The following UGT1A3 variants were observed in gnomAD, a reference collection of about 807,000 sequenced individuals.
UGT1A3 encodes the protein UDP-glucuronosyltransferase 1A3.
In UGT1A3, 31 loss-of-function variants were observed where a neutral mutation model predicts 41.0. The observed-to-expected ratio is 0.76, with a 90% CI of 0.57 to 1.02. The LOEUF is 1.02. Ranked by LOEUF, UGT1A3 falls within the 50% of genes least tolerant of loss-of-function variation. UGT1A3 has a pLI of 0.00. For synonymous variants in UGT1A3, 262 were observed against 257.6 expected (o/e 1.02, Z -0.17); for missense variants, 737 against 671.0 (o/e 1.10, Z -1.09).
At chr2:233,760,837 A>G in intron 1 of UGT1A3, 2 of 1,613,782 alleles carry the variant, frequency 1.2e-6, no homozygotes, top group Non-Finnish European at 1.7e-6. Flanking sequence ...ATTTGAGGCT[A>G]CCCAGTGCCC....
At chr2:233,763,924 T>C (rs1294643853) in intron 1 of UGT1A3, among the ~76,000 whole-genome samples, 1 of 152,112 alleles carries the variant, frequency 6.6e-6, no homozygotes, top group African/African-American at 2.4e-5. Context: ...GGCTTCGAGA[T>C]GGCCAGGAGA....
intron 1 of UGT1A3, among the ~76,000 whole-genome samples, chr2:233,731,630 C>A (rs1226359620): frequency 6.6e-6 from 1 of 152,176 alleles, no homozygotes; most frequent in Non-Finnish European, 1.5e-5. Context: ...TTTTTTATGG[C>A]TGCATAGTAT....
Position 233,747,361 on chromosome 2 carries a change from A to T in UGT1A3, c.867+17368A>T, listed in dbSNP as rs1260496106. 17 of 1,603,206 alleles carry T rather than the reference A, an allele frequency of 1.1e-5. No individual in the cohort carries two copies. In the African/African-American group the frequency reaches 1.9e-4, roughly 18 times the overall value. On this transcript the variant is annotated intron_variant, in intron 1 of 4. Coordinates refer to ENST00000482026, the MANE Select transcript of UGT1A3 (RefSeq NM_019093.4). Reference sequence around the variant, plus strand: ...GCTCGCATGCGGGAGGCCGTGCGGGAGCTCCATGCCAGAGGCCACCAGGCG... The same window carrying T: ...GCTCGCATGCGGGAGGCCGTGCGGGTGCTCCATGCCAGAGGCCACCAGGCG...
Position 233,751,190 on chromosome 2 carries a change from G to C in UGT1A3, c.868-15844G>C, listed in dbSNP as rs551144438. Among the ~76,000 whole-genome samples the C allele has an allele frequency of 1.2e-4, 18 of 152,080 alleles. 2 individuals carry two copies. Among genetic ancestry groups the C allele is most frequent in the African/African-American group, 4.4e-4 (18 of 41,324 alleles). ...CCTAGATATGAGACATGAAGTTAAA[G>C]GTGATAATTTTGGAGCTTTAAGATT... On this transcript the variant is annotated intron_variant, in intron 1 of 4. Transcript: ENST00000482026.
At chr2:233,744,078 C>T (rs1450419320) in intron 1 of UGT1A3, 2 of 455,950 alleles carry the variant, frequency 4.4e-6, no homozygotes, top group Non-Finnish European at 7.4e-6. Context: ...CGCCTCGCAT[C>T]CCAAGATGCA....
chr2:233,748,199 G>A (rs1164871167), intron 1 of UGT1A3: 58 of 1,533,096 alleles, frequency 3.8e-5, no homozygotes, highest in Non-Finnish European at 4.6e-5. Context: ...TCTGCTTGTC[G>A]TAATAGCCTT....
intron 1 of UGT1A3, chr2:233,747,152 G>A (rs1023956856): frequency 1.3e-6 from 2 of 1,577,494 alleles, no homozygotes; most frequent in African/African-American, 1.4e-5. Context: ...TTAAGATGAA[G>A]AAAACAAATG....
Position 233,767,146 on chromosome 2 carries a change from T to C in UGT1A3, c.980T>C (p.Leu327Ser), listed in dbSNP as rs372326047. ...EKKAMAIADA[L>S]GKIPQTVLWR... The stretch of plus-strand genomic sequence containing the variant: ...AAAGCTATGGCAATTGCTGATGCTT[T>C]GGGCAAAATCCCTCAGACAGTAAGA... Residue 327 changes from leucine (L) to serine (S), a missense_variant, in exon 2 of 5, where the codon TTG (leucine) becomes TCG (serine). Transcript: ENST00000482026. 1 of 1,614,014 alleles carries C rather than the reference T, an allele frequency of 6.2e-7. No individual in the cohort carries two copies. Among genetic ancestry groups the C allele is most frequent in the Admixed American group, 1.7e-5 (1 of 60,006 alleles).
Position 233,729,797 on chromosome 2 carries a change from G to C in UGT1A3, c.671G>C (p.Cys224Ser), listed in dbSNP as rs1376720200. 2 of 1,613,908 alleles carry C rather than the reference G, an allele frequency of 1.2e-6. No homozygotes were observed. Among genetic ancestry groups the C allele is most frequent in the South Asian group, 2.2e-5 (2 of 91,074 alleles). The stretch of plus-strand genomic sequence containing the variant: ...TACCCTCTGGCCCTGTCCTACATTT[G>C]CCATGCTTTTTCTGCTCCTTATGCA... ...MLYPLALSYICHAFSAPYASL... is the reference protein window; with the variant it reads ...MLYPLALSYISHAFSAPYASL... The change falls in exon 1 of 5, where the codon TGC becomes TCC. Residue 224 changes from cysteine to serine, a missense_variant. Transcript: ENST00000482026.
At chr2:233,743,311 A>AT (rs1692260590) in intron 1 of UGT1A3, 3 of 650,626 alleles carry the variant, frequency 4.6e-6, no homozygotes, top group Non-Finnish European at 7.4e-6. Flanking sequence ...CTTGGTGGTG[A>AT]TTTTTTTACC....
In UGT1A3 at chr2:233,743,758, G is replaced by T. The variant is rs761738753; in HGVS notation, c.867+13765G>T. 5 of 1,367,210 alleles carry T rather than the reference G, an allele frequency of 3.7e-6. No homozygotes were observed. In the Admixed American group the frequency reaches 9.5e-5, roughly 26 times the overall value. 84.7% of individuals were successfully genotyped at this position (1,367,210 alleles called of 1,614,324 possible). ...GTTTCTTGGCGTCCGACAACACCTCGTAGGCCTCGGCCACCTGCTTGAATC... is the reference window on the plus strand; with the variant it reads ...GTTTCTTGGCGTCCGACAACACCTCTTAGGCCTCGGCCACCTGCTTGAATC... On this transcript the variant is annotated intron_variant, in intron 1 of 4. Coordinates refer to ENST00000482026, the MANE Select transcript of UGT1A3 (RefSeq NM_019093.4).
In UGT1A3 at chr2:233,769,705, G is replaced by T. The variant is rs1699921958; in HGVS notation, c.1307+1266G>T. Reference sequence around the variant, plus strand: ...TGGTGGCACTGGATAAAAGATCAATGTTGGCTAGGCACCATGGCACACGCC... The same window carrying T: ...TGGTGGCACTGGATAAAAGATCAATTTTGGCTAGGCACCATGGCACACGCC... On this transcript the variant is annotated intron_variant, in intron 4 of 4. Transcript: ENST00000482026. This position sits in a 1 kb window ranked among gnomAD's most constrained non-coding sequence, Gnocchi z 4.4. The T allele has an allele frequency of 6.6e-7, 1 of 1,517,524 alleles. No homozygotes were observed. Among genetic ancestry groups the T allele is most frequent in the African/African-American group, 1.4e-5 (1 of 73,038 alleles). The allele number at this position is 1,517,524 out of a possible 1,614,324, so 94.0% of individuals were successfully genotyped here. A position where few individuals can be genotyped will look rare whatever the true frequency, so the allele number is the denominator to read the frequency against.
intron 1 of UGT1A3, chr2:233,755,063 G>A (rs776771090): frequency 2.2e-6 from 3 of 1,334,780 alleles, no homozygotes; most frequent in South Asian, 1.1e-5. Flanking sequence ...CCCTCGCCTC[G>A]CCATAGCGGT....
chr2:233,754,393 T>C (rs1161428077), intron 1 of UGT1A3: 1 of 317,382 alleles, frequency 3.2e-6, no homozygotes, highest in South Asian at 2.8e-5. Context: ...AGAGGTCCTA[T>C]CCGTGCAGTC....
intron 1 of UGT1A3, among the ~76,000 whole-genome samples, chr2:233,735,843 T>C (rs1217610969): frequency 2.0e-5 from 3 of 152,092 alleles, no homozygotes; most frequent in South Asian, 2.1e-4. Flanking sequence ...TGGCCCCCAC[T>C]CTCTTCTGTC....
Position 233,734,700 on chromosome 2 carries a change from T to TTG in UGT1A3, c.867+4707_867+4708insTG, listed in dbSNP as rs1319489997. Among the ~76,000 whole-genome samples the TTG allele has an allele frequency of 9.9e-3, 1,501 of 152,266 alleles. 21 individuals carry two copies. Among genetic ancestry groups the TTG allele is most frequent in the African/African-American group, 0.034 (1,432 of 41,556 alleles). ...ACTGATTTAAATGTGTCCCAGAGATTCTGGTATGTTGTGTCTTTGTTCTCG... is the reference window on the plus strand; with the variant it reads ...ACTGATTTAAATGTGTCCCAGAGATTTGCTGGTATGTTGTGTCTTTGTTCTCG... On this transcript the variant is annotated intron_variant, in intron 1 of 4. Coordinates refer to ENST00000482026, the MANE Select transcript of UGT1A3 (RefSeq NM_019093.4).
At chr2:233,763,030 G>T (rs1698223178) in intron 1 of UGT1A3, among the ~76,000 whole-genome samples, 1 of 152,142 alleles carries the variant, frequency 6.6e-6, no homozygotes, top group South Asian at 2.1e-4. Flanking sequence ...GTTAGCCATT[G>T]TTTTCTGAAC....
intron 1 of UGT1A3, among the ~76,000 whole-genome samples, chr2:233,745,929 G>A (rs954070768): frequency 4.0e-5 from 6 of 151,604 alleles, no homozygotes; most frequent in African/African-American, 1.2e-4. Context: ...GATTCAGAAG[G>A]GACAGCTGGG....
Position 233,769,638 on chromosome 2 carries a change from A to C in UGT1A3, c.1307+1199A>C. 1 of 1,610,122 alleles carries C rather than the reference A, an allele frequency of 6.2e-7. No homozygotes were observed. On this transcript the variant is annotated intron_variant, in intron 4 of 4. Transcript: ENST00000482026. This position sits in a 1 kb window ranked among gnomAD's most constrained non-coding sequence, Gnocchi z 4.4. ...CTTGAGCAAGGGACAACAGGGGAGGACTGATGACTGACTTCCCACCTTTGA... is the reference window on the plus strand; with the variant it reads ...CTTGAGCAAGGGACAACAGGGGAGGCCTGATGACTGACTTCCCACCTTTGA...
Sources: allele counts gnomAD v4.1 joint callset (sites outside exome capture counted in the v4.1 genomes callset), GRCh38; gene constraint gnomAD v4.1.1; non-coding constraint Gnocchi (gnomAD v3.1); transcripts MANE v1.5; gene names NCBI Gene and HGNC (gene_info 2026-07-23, HGNC 2026-07-21).